PKIB: variants seen among roughly 807,000 people sequenced by gnomAD.
PKIB encodes the protein cAMP-dependent protein kinase inhibitor beta.
A neutral mutation model predicts 4.5 loss-of-function variants in PKIB; 2 were observed. The observed-to-expected ratio is 0.44, with a 90% CI of 0.18 to 1.39. The LOEUF (loss-of-function observed/expected upper bound fraction) is 1.39, where lower values mean the gene tolerates loss of function less well. PKIB is among the 40% of genes most tolerant of loss of function. The pLI, the probability that PKIB is intolerant of heterozygous loss-of-function variation, is 0.27. For synonymous variants in PKIB, 38 were observed against 36.0 expected (o/e 1.06, Z -0.20); for missense variants, 94 against 92.6 (o/e 1.02, Z -0.06).
intron 1 of PKIB, among the ~76,000 whole-genome samples, chr6:122,472,494 C>G (rs978334438): frequency 3.3e-5 from 5 of 152,106 alleles, no homozygotes; most frequent in African/African-American, 1.2e-4. Flanking sequence ...CATGTGGAAC[C>G]CTTGCATATT....
chr6:122,548,207 C>T (rs1772564044), intron 2 of PKIB, among the ~76,000 whole-genome samples: 1 of 152,078 alleles, frequency 6.6e-6, no homozygotes, highest in Non-Finnish European at 1.5e-5. Flanking sequence ...AAAGATGACC[C>T]TTGACTCATT....
At chr6:122,536,166 G>T (rs1004746084) in intron 2 of PKIB, among the ~76,000 whole-genome samples, 1 of 152,032 alleles carries the variant, frequency 6.6e-6, no homozygotes, top group Non-Finnish European at 1.5e-5. Context: ...TCCCAAACTC[G>T]TGACCTCAAG....
intron 2 of PKIB, among the ~76,000 whole-genome samples, chr6:122,558,316 A>G (rs1772909127): frequency 1.3e-5 from 2 of 152,184 alleles, no homozygotes; most frequent in African/African-American, 2.4e-5. Flanking sequence ...CAGCTTAGTA[A>G]TGCCAGTGGA....
chr6:122,526,635 C>T (rs1777098558), intron 2 of PKIB, among the ~76,000 whole-genome samples: 1 of 152,020 alleles, frequency 6.6e-6, no homozygotes, highest in South Asian at 2.1e-4. Context: ...TTAAAATATT[C>T]AATAAGCCAT....
At chr6:122,493,618 G>T (rs573318823) in intron 2 of PKIB, 1 of 152,180 alleles carries the variant, frequency 6.6e-6, no homozygotes, top group African/African-American at 2.4e-5. Context: ...TATAGGTAGT[G>T]CCTCATAAGT....
In PKIB at chr6:122,525,316, TTGTA is replaced by T. The variant is rs1333396153; in HGVS notation, c.-248+47380_-248+47383del. On this transcript the variant is annotated intron_variant, in intron 2 of 6. Transcript: ENST00000392491. The stretch of plus-strand genomic sequence containing the variant: ...ATTCTATTGTGATTGAAAAAATACT[TTGTA>T]TGATTTCAGTAAACTTGAAATTGTT... Among the ~76,000 whole-genome samples, 8 of 152,294 alleles carry T rather than the reference TTGTA, an allele frequency of 5.3e-5. No individual in the cohort carries two copies. The East Asian group carries it at 1.5e-3, about 29-fold the overall frequency.
chr6:122,595,134 C>T (rs1020748320), intron 3 of PKIB, among the ~76,000 whole-genome samples: 2 of 152,132 alleles, frequency 1.3e-5, no homozygotes, highest in Non-Finnish European at 2.9e-5. Flanking sequence ...GGGGTGATGG[C>T]GAGTGGTGCC....
chr6:122,490,319 G>A (rs1038079081), intron 2 of PKIB, among the ~76,000 whole-genome samples: 3 of 152,184 alleles, frequency 2.0e-5, no homozygotes, highest in South Asian at 2.1e-4. Context: ...GAAGTTTAGC[G>A]TGAGGATGTT....
At position 122,656,221 on chromosome 6, in the gene PKIB, G is replaced by C. The variant is rs143886032; in HGVS notation, c.-75-18857G>C. The stretch of plus-strand genomic sequence containing the variant: ...TTTGTCTCCATTAAATAAAAGATCT[G>C]ATAAGTCTGTTACATAAAAGAATAG... On this transcript the variant is annotated intron_variant, in intron 2 of 4. Transcript: ENST00000368452. Among the ~76,000 whole-genome samples the C allele has an allele frequency of 6.2e-3, 945 of 152,210 alleles. 10 individuals carry two copies. The highest frequency in any genetic ancestry group is 0.017 in the Middle Eastern group (5 of 294).
chr6:122,480,922 C>T (rs1029486319), intron 2 of PKIB: 1 of 50,792 alleles, frequency 2.0e-5, no homozygotes, highest in African/African-American at 5.5e-5. Context: ...CAAAAATAAT[C>T]TTTTGTTCTT....
intron 2 of PKIB, among the ~76,000 whole-genome samples, chr6:122,512,756 G>C (rs533222518): frequency 3.3e-5 from 5 of 152,230 alleles, no homozygotes; most frequent in African/African-American, 1.2e-4. Context: ...TTTAAAATTA[G>C]AAAATGAAAG....
chr6:122,602,057 T>C (rs1383825972), intron 3 of PKIB, among the ~76,000 whole-genome samples: 1 of 152,016 alleles, frequency 6.6e-6, no homozygotes, highest in Admixed American at 6.6e-5. Flanking sequence ...ATTTATCTTA[T>C]GCATATCTAT....
intron 2 of PKIB, among the ~76,000 whole-genome samples, chr6:122,523,296 T>G (rs1776999130): frequency 6.6e-6 from 1 of 152,242 alleles, no homozygotes; most frequent in Non-Finnish European, 1.5e-5. Flanking sequence ...ATTACATTAA[T>G]CTATTTCTGT....
rs75055479 is a variant in PKIB at position 122,597,289 on chromosome 6, T to C, written c.-161+11282T>C. 2.0e-3 allele frequency among the ~76,000 whole-genome samples: 311 copies of C among 152,278 alleles called. 7 individuals are homozygous for C. The East Asian group carries it at 0.042, about 20-fold the overall frequency. ...TCTGAATAAGATTATGACATAAAGCTGGAGAGTTGATATAGCCCTAAGGTG... is the reference window on the plus strand; with the variant it reads ...TCTGAATAAGATTATGACATAAAGCCGGAGAGTTGATATAGCCCTAAGGTG... On this transcript the variant is annotated intron_variant, in intron 3 of 6. Coordinates refer to the PKIB transcript ENST00000392491.
intron 1 of PKIB, among the ~76,000 whole-genome samples, chr6:122,620,492 G>A (rs1326146910): frequency 6.6e-6 from 1 of 152,212 alleles, no homozygotes; most frequent in Non-Finnish European, 1.5e-5. Context: ...ATCAGAATTT[G>A]TGTTGCTTGG....
intron 2 of PKIB, among the ~76,000 whole-genome samples, chr6:122,666,404 AAATAT>A (rs1404738847): frequency 1.3e-5 from 2 of 152,140 alleles, no homozygotes; most frequent in African/African-American, 4.8e-5. Context: ...AAGGGCACAA[AAATAT>A]AATATCTACT....
chr6:122,724,414 A>G (rs1303644061), intron 4 of PKIB, among the ~76,000 whole-genome samples: 2 of 152,186 alleles, frequency 1.3e-5, no homozygotes, highest in African/African-American at 4.8e-5. Flanking sequence ...CTCCTTGATT[A>G]GAAGAGACTT....
intron 2 of PKIB, among the ~76,000 whole-genome samples, chr6:122,580,304 A>G (rs1404544172): frequency 6.6e-6 from 1 of 152,160 alleles, no homozygotes; most frequent in Non-Finnish European, 1.5e-5. Context: ...ATAAAGCTCT[A>G]GAAATTGGAA....
chr6:122,495,622 A>T (rs1183174936), intron 2 of PKIB, among the ~76,000 whole-genome samples: 1 of 151,850 alleles, frequency 6.6e-6, no homozygotes, highest in Non-Finnish European at 1.5e-5. Flanking sequence ...CCCCATTCCA[A>T]CTCAGCTGGC....
Sources: gnomAD v4.1 joint callset for allele counts (sites outside exome capture counted in the v4.1 genomes callset) on GRCh38, gnomAD v4.1.1 for gene constraint, MANE v1.5 for transcripts, NCBI Gene and HGNC (gene_info 2026-07-23, HGNC 2026-07-21) for gene names.